The following ST3GAL1 variants were observed in gnomAD, a reference collection of about 807,000 sequenced individuals.
ST3GAL1 encodes the protein CMP-N-acetylneuraminate-beta-galactosamide-alpha-2,3-sialyltransferase 1.
A neutral mutation model predicts 34.1 loss-of-function variants in ST3GAL1; 16 were observed. The observed-to-expected ratio is 0.47, with a 90% CI of 0.32 to 0.71. ST3GAL1 has a LOEUF of 0.71. Ranked by LOEUF, ST3GAL1 falls within the 30% of genes least tolerant of loss-of-function variation. The pLI is 0.04. For synonymous variants in ST3GAL1, 191 were observed against 184.7 expected (o/e 1.03, Z -0.28); for missense variants, 353 against 447.4 (o/e 0.79, Z 1.90).
At chr8:133,501,365 G>C (rs1468221591) in intron 2 of ST3GAL1, among the ~76,000 whole-genome samples, 1 of 152,198 alleles carries the variant, frequency 6.6e-6, no homozygotes. Flanking sequence ...GGGTCATTAG[G>C]TGCTCTCTTG....
chr8:133,566,811 C>A (rs78112917), intron 1 of ST3GAL1, among the ~76,000 whole-genome samples: 1 of 152,176 alleles, frequency 6.6e-6, no homozygotes, highest in African/African-American at 2.4e-5. Flanking sequence ...CACGGGCATT[C>A]CAATGCTTGG....
chr8:133,521,642 A>G (rs1234719985), intron 2 of ST3GAL1, among the ~76,000 whole-genome samples: 1 of 152,246 alleles, frequency 6.6e-6, no homozygotes, highest in Admixed American at 6.5e-5. Flanking sequence ...CTCCTCCTGC[A>G]TGCTCCACAT....
At chr8:133,565,151 CTGTGTGTGTGTGTGTGTG>C (rs60990775) in intron 1 of ST3GAL1, among the ~76,000 whole-genome samples, 4 of 139,308 alleles carry the variant, frequency 2.9e-5, no homozygotes, top group South Asian at 2.4e-4. Flanking sequence ...CTCTGTGTGC[CTGTGTGTGTGTGTGTGTG>C]TGTGTGTGTG....
At chr8:133,464,713 G>T in intron 7 of ST3GAL1, 65 bp downstream of exon 7, 1 of 1,538,140 alleles carries the variant, frequency 6.5e-7, no homozygotes, top group East Asian at 2.3e-5. Context: ...ACCACGGCAG[G>T]GTGGGGGGAC....
intron 3 of ST3GAL1, among the ~76,000 whole-genome samples, chr8:133,479,774 C>A (rs551565239): frequency 6.6e-6 from 1 of 152,320 alleles, no homozygotes; most frequent in East Asian, 1.9e-4. Flanking sequence ...GCAGCCACAC[C>A]TCCAAGGCCA....
At chr8:133,474,629 G>A (rs998595642) in intron 5 of ST3GAL1, among the ~76,000 whole-genome samples, 1 of 152,104 alleles carries the variant, frequency 6.6e-6, no homozygotes, top group Admixed American at 6.5e-5. Context: ...CCCCAGCCAT[G>A]CAGAGCTCCT....
At chr8:133,565,151 C>CTGTGTGTGTGTGTGTGTGTGTGTGTG (rs60990775) in intron 1 of ST3GAL1, among the ~76,000 whole-genome samples, 2 of 139,308 alleles carry the variant, frequency 1.4e-5, no homozygotes, top group Non-Finnish European at 3.1e-5. Context: ...CTCTGTGTGC[C>CTGTGTGTGTGTGTGTGTGTGTGTGTG]TGTGTGTGTG....
At chr8:133,552,209 T>C (rs1027626376) in intron 1 of ST3GAL1, among the ~76,000 whole-genome samples, 4 of 152,162 alleles carry the variant, frequency 2.6e-5, no homozygotes, top group African/African-American at 9.7e-5. Context: ...CAGGGCAGGC[T>C]CATGAATGTG....
chr8:133,493,707 A>G (rs1219438315), intron 3 of ST3GAL1, among the ~76,000 whole-genome samples: 1 of 152,202 alleles, frequency 6.6e-6, no homozygotes, highest in Non-Finnish European at 1.5e-5. Context: ...TTAGCCAGGC[A>G]TGGTGGCATG....
At chr8:133,517,208 G>A (rs1163695658) in intron 2 of ST3GAL1, among the ~76,000 whole-genome samples, 1 of 152,216 alleles carries the variant, frequency 6.6e-6, no homozygotes, top group Non-Finnish European at 1.5e-5. Flanking sequence ...TCTGGATTCT[G>A]CTGTTCCAAG....
intron 3 of ST3GAL1, among the ~76,000 whole-genome samples, chr8:133,485,181 G>A (rs1816539256): frequency 6.6e-6 from 1 of 152,188 alleles, no homozygotes; most frequent in Admixed American, 6.5e-5. Flanking sequence ...TGCAGGGGCT[G>A]GAAGCCTGGG....
At chr8:133,514,011 C>G (rs768610214) in intron 2 of ST3GAL1, among the ~76,000 whole-genome samples, 1 of 152,132 alleles carries the variant, frequency 6.6e-6, no homozygotes, top group Non-Finnish European at 1.5e-5. Flanking sequence ...CAGCCCATGT[C>G]GGGCACCTGG....
chr8:133,512,166 T>C lies in ST3GAL1; in HGVS notation c.-428-12977A>G, dbSNP rs1010323341. ...CAAGGAAACCAGTGGTGGATCAGTATGAGACCCAGAACTTCAAAAGGATGG... is the reference window on the plus strand; with the variant it reads ...CAAGGAAACCAGTGGTGGATCAGTACGAGACCCAGAACTTCAAAAGGATGG... On this transcript the variant is annotated intron_variant, in intron 2 of 9. Transcript: ENST00000522652. Among the ~76,000 whole-genome samples, 61 of 152,196 alleles carry C rather than the reference T, an allele frequency of 4.0e-4. 1 individual carries two copies. Among genetic ancestry groups the C allele is most frequent in the Admixed American group, 2.9e-3 (45 of 15,278 alleles).
chr8:133,496,469 C>T (rs1052341817), intron 3 of ST3GAL1, among the ~76,000 whole-genome samples: 6 of 152,206 alleles, frequency 3.9e-5, no homozygotes, highest in Admixed American at 2.6e-4. Context: ...CTGACAGAAG[C>T]CCCGTCCCCA....
At chr8:133,507,523 C>T (rs745658388) in intron 2 of ST3GAL1, among the ~76,000 whole-genome samples, 1 of 152,170 alleles carries the variant, frequency 6.6e-6, no homozygotes, top group East Asian at 1.9e-4. Flanking sequence ...CTTGCAGGCA[C>T]GGGCATTACC....
intron 3 of ST3GAL1, among the ~76,000 whole-genome samples, chr8:133,493,322 G>A (rs1816839505): frequency 6.6e-6 from 1 of 152,234 alleles, no homozygotes; most frequent in Admixed American, 6.5e-5. Context: ...GGGTCTTGGA[G>A]AGAAACGAAG....
intron 5 of ST3GAL1, among the ~76,000 whole-genome samples, chr8:133,474,068 T>G (rs777390791): frequency 3.3e-5 from 5 of 152,236 alleles, no homozygotes; most frequent in Admixed American, 6.5e-5. Context: ...TTTGGAAGCA[T>G]AGCCCAGGGC....
intron 2 of ST3GAL1, among the ~76,000 whole-genome samples, chr8:133,527,303 A>G (rs976698336): frequency 6.6e-6 from 1 of 152,160 alleles, no homozygotes; most frequent in Non-Finnish European, 1.5e-5. Context: ...TTCTGCCTCT[A>G]CTAATGCCAT....
intron 2 of ST3GAL1, among the ~76,000 whole-genome samples, chr8:133,528,873 C>G (rs1818059571): frequency 6.6e-6 from 1 of 152,238 alleles, no homozygotes; most frequent in African/African-American, 2.4e-5. Flanking sequence ...GAAAACGTGT[C>G]ACAAGACGGG....
Sources: allele counts gnomAD v4.1 joint callset (sites outside exome capture counted in the v4.1 genomes callset), GRCh38; gene constraint gnomAD v4.1.1; transcripts MANE v1.5; gene names NCBI Gene and HGNC (gene_info 2026-07-23, HGNC 2026-07-21).